The following FAT3 variants were observed in gnomAD, a reference collection of about 807,000 sequenced individuals.
FAT3 encodes the protein protocadherin Fat 3.
FAT3 carries 95 observed loss-of-function variants against 310.2 expected under a neutral mutation model. That is an observed-to-expected ratio of 0.31 (90% confidence interval 0.26 to 0.36). The LOEUF (loss-of-function observed/expected upper bound fraction) is 0.36. Among genes scored for constraint, FAT3 ranks in the 10% least tolerant of loss-of-function variants. The pLI is 1.00. For missense variants in FAT3, 5,408 were observed against 5,715.6 expected (o/e 0.95, Z 1.74); for synonymous variants, 2,314 against 2,192.9 (o/e 1.06, Z -1.54).
intron 1 of FAT3, among the ~76,000 whole-genome samples, chr11:92,257,082 A>G (rs1354416310): frequency 1.3e-5 from 2 of 152,112 alleles, no homozygotes; most frequent in African/African-American, 4.8e-5. Context: ...AAATATCCAA[A>G]TAAACTCTTG....
In FAT3 at chr11:92,690,664, A is replaced by G. The variant is rs1277023106; in HGVS notation, c.3608-6720A>G. On this transcript the variant is annotated intron_variant, in intron 3 of 27. Transcript: ENST00000525166. ...ACTTAGTTGTTTATTTTTTAAGGAA[A>G]TGTGATACAACTCTTCTCTCCAACT... Among the ~76,000 whole-genome samples the G allele has an allele frequency of 2.0e-5, 3 of 152,184 alleles. No individual in the cohort carries two copies. In the South Asian group the frequency reaches 6.2e-4, roughly 32 times the overall value.
chr11:92,556,677 T>C (rs1261763439), intron 3 of FAT3, among the ~76,000 whole-genome samples: 2 of 152,164 alleles, frequency 1.3e-5, no homozygotes, highest in African/African-American at 4.8e-5. Flanking sequence ...TGCTTAAGTT[T>C]CCACACGCAA....
At chr11:92,672,581 A>G (rs1446707934) in intron 3 of FAT3, among the ~76,000 whole-genome samples, 5 of 152,190 alleles carry the variant, frequency 3.3e-5, no homozygotes, top group South Asian at 2.1e-4. Context: ...CCAAAAAAAT[A>G]TATCAGTCAG....
At chr11:92,225,418 C>T (rs1030308664) in intron 1 of FAT3, among the ~76,000 whole-genome samples, 1 of 152,108 alleles carries the variant, frequency 6.6e-6, no homozygotes. Flanking sequence ...GCGGCGGGAG[C>T]CGGGAGGTTT....
chr11:92,753,121 T>C (rs1194770139), intron 4 of FAT3, among the ~76,000 whole-genome samples: 1 of 152,166 alleles, frequency 6.6e-6, no homozygotes, highest in Non-Finnish European at 1.5e-5. Context: ...ACTCTGAGAC[T>C]CTTGGTCAGT....
chr11:92,283,181 A>G (rs1946473603), intron 1 of FAT3, among the ~76,000 whole-genome samples: 1 of 152,140 alleles, frequency 6.6e-6, no homozygotes, highest in Admixed American at 6.5e-5. Context: ...TCCTGGTGTT[A>G]TCCTTCCAGA....
chr11:92,572,012 T>A (rs946499942), intron 3 of FAT3, among the ~76,000 whole-genome samples: 1 of 152,224 alleles, frequency 6.6e-6, no homozygotes, highest in Non-Finnish European at 1.5e-5. Flanking sequence ...GTGTGGCTCT[T>A]ACAGCCCTGA....
Position 92,574,547 on chromosome 11 carries a change from C to A in FAT3, c.3607+49599C>A, listed in dbSNP as rs116012025. 1.8e-3 allele frequency among the ~76,000 whole-genome samples: 272 copies of A among 152,176 alleles called. 1 individual carries two copies. Among genetic ancestry groups the A allele is most frequent in the African/African-American group, 6.3e-3 (261 of 41,536 alleles). On this transcript the variant is annotated intron_variant, in intron 3 of 27. Coordinates refer to ENST00000525166, the MANE Select transcript of FAT3 (RefSeq NM_001367949.2). ...GAATCACTATGGGAAATGTACTCAC[C>A]AGTCCCCATAACAGGGGGAGGAAGC...
Position 92,502,108 on chromosome 11 carries a change from A to G in FAT3, c.3293-22526A>G, listed in dbSNP as rs189499066. ...AATTTTGTGAAAGAATTAAAAATTG[A>G]AGTGACCTGTCTAGTTTGGAAAGCT... On this transcript the variant is annotated intron_variant, in intron 2 of 27. Transcript: ENST00000525166. Among the ~76,000 whole-genome samples, 584 of 152,242 alleles carry G rather than the reference A, an allele frequency of 3.8e-3. 13 individuals carry two copies. The highest frequency in any genetic ancestry group is 3.4e-3 in the Non-Finnish European group (230 of 67,990).
At chr11:92,481,487 G>A (rs1952226479) in intron 2 of FAT3, among the ~76,000 whole-genome samples, 1 of 152,152 alleles carries the variant, frequency 6.6e-6, no homozygotes, top group Non-Finnish European at 1.5e-5. Flanking sequence ...TTTATTTTGT[G>A]TAGGAATTGT....
At chr11:92,475,128 G>A (rs561653843) in intron 2 of FAT3, among the ~76,000 whole-genome samples, 19 of 152,124 alleles carry the variant, frequency 1.2e-4, no homozygotes, top group Non-Finnish European at 2.6e-4. Flanking sequence ...CTCTTTTTCC[G>A]TCTTTTTCAT....
chr11:92,281,333 A>G (rs1292545833), intron 1 of FAT3, among the ~76,000 whole-genome samples: 1 of 152,136 alleles, frequency 6.6e-6, no homozygotes, highest in African/African-American at 2.4e-5. Flanking sequence ...TTATATCTTT[A>G]TATTTATAAT....
At chr11:92,615,180 T>A (rs907118359) in intron 3 of FAT3, among the ~76,000 whole-genome samples, 1 of 152,226 alleles carries the variant, frequency 6.6e-6, no homozygotes, top group African/African-American at 2.4e-5. Flanking sequence ...TTGGGCTATT[T>A]TGTTCCTTGC....
At chr11:92,734,316 T>TA (rs988569269) in intron 4 of FAT3, among the ~76,000 whole-genome samples, 2 of 152,208 alleles carry the variant, frequency 1.3e-5, no homozygotes, top group Non-Finnish European at 2.9e-5. Context: ...AGCACTGGCT[T>TA]AGACACTAAG....
intron 2 of FAT3, among the ~76,000 whole-genome samples, chr11:92,496,459 A>G (rs140004881): frequency 1.8e-4 from 27 of 152,004 alleles, no homozygotes; most frequent in Non-Finnish European, 3.2e-4. Context: ...GATCTTATTC[A>G]TCCTGGGAAC....
At chr11:92,722,023 CT>C (rs754154838) in intron 4 of FAT3, among the ~76,000 whole-genome samples, 26 of 151,974 alleles carry the variant, frequency 1.7e-4, no homozygotes, top group Admixed American at 1.3e-3. Context: ...TCATTCTCCC[CT>C]GGCCCCTCCC....
In FAT3 at chr11:92,880,830, A is replaced by T. The variant is rs1442964430; in HGVS notation, c.12227A>T (p.Asp4076Val). The T allele has an allele frequency of 6.2e-7, 1 of 1,613,984 alleles. No individual in the cohort carries two copies. The highest frequency in any genetic ancestry group is 8.5e-7 in the Non-Finnish European group (1 of 1,179,876). Residue 4076 changes from aspartate to valine, a missense_variant, in exon 23 of 28, where the codon GAT becomes GTT. Physicochemically the swap from Asp to Val is radical, Grantham distance 152. Around this residue, in one of 5 missense-constraint regions of FAT3, gnomAD observed 649 missense variants for 666.2 expected, o/e 0.97. Coordinates refer to ENST00000525166, the MANE Select transcript of FAT3 (RefSeq NM_001367949.2). ...CCCTGCCGGAATGGAGGATCCTGCG[A>T]TCCAATAGGAAACACTTTCATCTGC... is the stretch of plus-strand genomic sequence containing the variant. ...PNPCRNGGSC[D>V]PIGNTFICNC...
At position 92,799,709 on chromosome 11, in the gene FAT3, C is replaced by G; in HGVS notation, c.6696C>G (p.Asn2232Lys). The change falls in exon 10 of 28, where the codon AAC (asparagine) becomes AAG (lysine). Residue 2232 changes from asparagine (N) to lysine (K), a missense_variant. By Grantham distance (94) the Asn-to-Lys change is moderately conservative (BLOSUM62 0). Transcript: ENST00000525166. ...ATGGGGACCCTTTTAAACAGTTTAA[C>G]ATTGACTTTGACACTGGGGTCCTGA... ...IIDGDPFKQF[N>K]IDFDTGVLKV... The G allele has an allele frequency of 1.2e-6, 2 of 1,613,098 alleles. No individual in the cohort carries two copies. The highest frequency in any genetic ancestry group is 1.7e-6 in the Non-Finnish European group (2 of 1,179,530).
At chr11:92,624,268 A>C (rs1941223431) in intron 3 of FAT3, among the ~76,000 whole-genome samples, 2 of 152,206 alleles carry the variant, frequency 1.3e-5, no homozygotes, top group Admixed American at 1.3e-4. Context: ...GAAGAAAAAC[A>C]TTCCTTTGCA....
Sources: gnomAD v4.1 joint callset for allele counts (sites outside exome capture counted in the v4.1 genomes callset) on GRCh38, gnomAD v4.1.1 for gene constraint, gnomAD v4.1.1 regional missense constraint, MANE v1.5 for transcripts, NCBI Gene and HGNC (gene_info 2026-07-23, HGNC 2026-07-21) for gene names.